IPO11: variants seen among roughly 807,000 people sequenced by gnomAD.
The protein encoded by IPO11 is importin-11.
Under a neutral mutation model 143.2 loss-of-function variants are expected in IPO11, and 66 were observed. That is an observed-to-expected ratio of 0.46 (90% CI 0.38 to 0.57). The LOEUF (loss-of-function observed/expected upper bound fraction) is 0.57. Among genes scored for constraint, IPO11 ranks in the 20% least tolerant of loss-of-function variants. IPO11 has a pLI of 0.00. For synonymous variants in IPO11, 385 were observed against 377.8 expected, an observed-to-expected ratio of 1.02 and a Z score of -0.22; for missense variants, 1,026 against 1,141.0, an observed-to-expected ratio of 0.90 and a Z score of 1.45.
At chr5:62,449,796 C>A in intron 3 of IPO11, 131 bp from the exon 4 acceptor site, 1 of 543,496 alleles carries the variant, frequency 1.8e-6, no homozygotes, top group East Asian at 3.2e-5. Context: ...GGAAATAATC[C>A]TTTTTATTTA....
At chr5:62,518,535 A>G (rs1348605285) in intron 20 of IPO11, among the ~76,000 whole-genome samples, 4 of 151,794 alleles carry the variant, frequency 2.6e-5, no homozygotes. Flanking sequence ...AATTGCTTGA[A>G]CCCGGGAGGC....
intron 19 of IPO11, among the ~76,000 whole-genome samples, chr5:62,510,843 C>T (rs1020546433): frequency 2.6e-5 from 4 of 152,120 alleles, no homozygotes; most frequent in Non-Finnish European, 5.9e-5. Context: ...TCAAGTGATT[C>T]TCCTGCCTCA....
At chr5:62,624,329 C>T (rs768142675) in intron 29 of IPO11, among the ~76,000 whole-genome samples, 1 of 152,174 alleles carries the variant, frequency 6.6e-6, no homozygotes, top group Non-Finnish European at 1.5e-5. Context: ...CCATGGCATC[C>T]AGCCAGTTCC....
chr5:62,510,793 T>G (rs1741723304), intron 19 of IPO11, among the ~76,000 whole-genome samples: 1 of 152,142 alleles, frequency 6.6e-6, no homozygotes, highest in Non-Finnish European at 1.5e-5. Flanking sequence ...TAGAGTGCAA[T>G]GGGGCTCTCT....
rs115536422 is a variant in IPO11, at chr5:62,466,857, A to G, written c.517-274A>G. Among the ~76,000 whole-genome samples the G allele has an allele frequency of 4.4e-3, 672 of 152,336 alleles. 7 individuals carry two copies. Among genetic ancestry groups the G allele is most frequent in the African/African-American group, 0.016 (649 of 41,574 alleles). ...TAAAAATAGAATATATAAGACTGCAATGCAGGCATTTGATGAGGTATTAAT... is the reference window on the plus strand; with the variant it reads ...TAAAAATAGAATATATAAGACTGCAGTGCAGGCATTTGATGAGGTATTAAT... On this transcript the variant is annotated intron_variant, in intron 5 of 29. Transcript: ENST00000325324.
At chr5:62,455,538 T>C (rs150398684) in intron 5 of IPO11, among the ~76,000 whole-genome samples, 7 of 152,208 alleles carry the variant, frequency 4.6e-5, no homozygotes, top group African/African-American at 1.7e-4. Flanking sequence ...GAAAAAAATA[T>C]TAAGCTCATG....
chr5:62,517,810 G>A (rs1742077197), intron 20 of IPO11, among the ~76,000 whole-genome samples: 1 of 152,178 alleles, frequency 6.6e-6, no homozygotes. Context: ...GTCTCAGGAG[G>A]TCAGAGTAAC....
At chr5:62,546,503 C>T (rs888121194) in intron 24 of IPO11, among the ~76,000 whole-genome samples, 8 of 151,794 alleles carry the variant, frequency 5.3e-5, no homozygotes, top group African/African-American at 1.5e-4. Context: ...ATGTAAATGA[C>T]GAGCTAATGG....
chr5:62,536,515 C>G (rs1263787990), intron 22 of IPO11, among the ~76,000 whole-genome samples, 187 bp from the exon 23 acceptor site: 1 of 152,072 alleles, frequency 6.6e-6, no homozygotes, highest in Non-Finnish European at 1.5e-5. Flanking sequence ...TCATTGGTGA[C>G]TGTACCCTTT....
intron 24 of IPO11, among the ~76,000 whole-genome samples, chr5:62,544,807 A>G (rs1743098314): frequency 6.6e-6 from 1 of 152,164 alleles, no homozygotes; most frequent in Non-Finnish European, 1.5e-5. Context: ...TACACCAATA[A>G]CAGACAGAGA....
intron 27 of IPO11, chr5:62,580,317 T>G (rs1744501940): frequency 2.6e-6 from 4 of 1,538,470 alleles, no homozygotes; most frequent in Non-Finnish European, 2.6e-6. Flanking sequence ...ATTTAAATTC[T>G]GACACATTCA....
At chr5:62,532,958 C>A (rs999562129) in intron 22 of IPO11, among the ~76,000 whole-genome samples, 1 of 151,930 alleles carries the variant, frequency 6.6e-6, no homozygotes, top group Non-Finnish European at 1.5e-5. Flanking sequence ...TTAAAAAGTT[C>A]TATTTTATAA....
chr5:62,605,796 G>GTGCA (rs1745689527), intron 29 of IPO11, among the ~76,000 whole-genome samples: 1 of 151,530 alleles, frequency 6.6e-6, no homozygotes, highest in East Asian at 1.9e-4. Context: ...AGTGCAATGG[G>GTGCA]TGCAAACATG....
At position 62,504,693 on chromosome 5, in the gene IPO11, G is replaced by C; in HGVS notation, c.1617G>C (p.Leu539Phe). Residue 539 changes from leucine to phenylalanine, a missense_variant, in exon 17 of 30, where the codon TTG becomes TTC. Physicochemically the swap from Leu to Phe is conservative, Grantham distance 22 (BLOSUM62 0). Transcript: ENST00000325324. ...LVVRIETATT[L>F]KLTVDDFEFR... ...TCCGTATTGAAACAGCTACAACTTT[G>C]AAGTTAAATATCCTTCTGAAAATTT... 6.8e-7 allele frequency: 1 copy of C among 1,481,148 alleles called. No homozygotes were observed. Among genetic ancestry groups the C allele is most frequent in the Non-Finnish European group, 9.3e-7 (1 of 1,080,530 alleles). The allele number at this position is 1,481,148 out of a possible 1,614,324, so 91.8% of individuals were successfully genotyped here. A position where few individuals can be genotyped will look rare whatever the true frequency, so the allele number is the denominator to read the frequency against.
intron 28 of IPO11, among the ~76,000 whole-genome samples, chr5:62,592,921 G>A (rs143876203): frequency 3.6e-4 from 55 of 152,160 alleles, no homozygotes; most frequent in African/African-American, 1.2e-3. Flanking sequence ...ATTTGGGTGG[G>A]GACACAGCCA....
rs1363544716 is a variant in IPO11, at chr5:62,452,759, T to TGC, written c.516+827_516+828dup. Among the ~76,000 whole-genome samples, 97 of 115,006 alleles carry TGC rather than the reference T, an allele frequency of 8.4e-4. 1 individual carries two copies. Among genetic ancestry groups the TGC allele is most frequent in the Non-Finnish European group, 1.5e-3 (86 of 57,472 alleles). The allele number at this position is 115,006 out of a possible 152,430, so 75.4% of individuals were successfully genotyped here. ...GTGTGTGTGTGTGTGTGTGTGTGTG[T>TGC]GCACGCATTTTGAGACGGGGTTTTG... On this transcript the variant is annotated intron_variant, in intron 5 of 29. Coordinates refer to ENST00000325324, the MANE Select transcript of IPO11 (RefSeq NM_016338.5).
intron 16 of IPO11, among the ~76,000 whole-genome samples, chr5:62,499,445 T>C (rs1741268229): frequency 6.6e-6 from 1 of 152,198 alleles, no homozygotes. Context: ...GATTAGTGAA[T>C]GTGAAAGCCT....
At chr5:62,446,814 C>T (rs1365788639) in intron 3 of IPO11, among the ~76,000 whole-genome samples, 1 of 151,996 alleles carries the variant, frequency 6.6e-6, no homozygotes, top group African/African-American at 2.4e-5. Context: ...ACTAAAAATA[C>T]AAAAACTAGC....
At chr5:62,419,713 G>A (rs952912712) in intron 1 of IPO11, among the ~76,000 whole-genome samples, 4 of 152,022 alleles carry the variant, frequency 2.6e-5, no homozygotes, top group African/African-American at 9.7e-5. Flanking sequence ...AAGTATAGTA[G>A]TGGGGCTTGG....
Sources: gnomAD v4.1 joint callset for allele counts (sites outside exome capture counted in the v4.1 genomes callset) on GRCh38, gnomAD v4.1.1 for gene constraint, MANE v1.5 for transcripts, NCBI Gene and HGNC (gene_info 2026-07-23, HGNC 2026-07-21) for gene names.